Variants in HSPBP1 observed in about 807,000 individuals in gnomAD.
The protein encoded by HSPBP1 is hsp70-binding protein 1.
Under a neutral mutation model 41.7 loss-of-function variants are expected in HSPBP1, and 31 were observed. That is an observed-to-expected ratio of 0.74 (90% CI 0.56 to 1.00). HSPBP1 has a LOEUF of 1.00. Ranked by LOEUF, HSPBP1 falls within the 50% of genes least tolerant of loss-of-function variation. The pLI is 0.00. For missense variants in HSPBP1, 439 were observed against 487.9 expected, an observed-to-expected ratio of 0.90 and a Z score of 0.94; for synonymous variants, 199 against 214.4, an observed-to-expected ratio of 0.93 and a Z score of 0.63.
rs147510053 is a variant in HSPBP1, at chr19:55,265,229, C to A, written c.1005+49G>T. On this transcript the variant is annotated intron_variant, in intron 7 of 7. Transcript: ENST00000433386. ...CTAGTCCTCCTGGAGCCCTTGTCCC[C>A]TCCCCCTTGCACCTGGTCCTCCTTG... is the stretch of plus-strand genomic sequence containing the variant. The A allele has an allele frequency of 3.0e-4, 380 of 1,248,038 alleles. 3 individuals carry two copies. In the East Asian group the frequency reaches 0.011, roughly 37 times the overall value. 77.3% of individuals were successfully genotyped at this position (1,248,038 alleles called of 1,614,324 possible).
chr19:55,265,485 C>A (rs2087751309), intron 6 of HSPBP1, 96 bp from the exon 7 acceptor site: 6 of 953,564 alleles, frequency 6.3e-6, no homozygotes, highest in South Asian at 3.9e-5. Flanking sequence ...CACTCAGGAG[C>A]CTGGCAAGTC....
At chr19:55,271,991 G>C (rs1176106258) in intron 4 of HSPBP1, among the ~76,000 whole-genome samples, 1 of 152,158 alleles carries the variant, frequency 6.6e-6, no homozygotes, top group East Asian at 1.9e-4. Flanking sequence ...GAACCTGGGA[G>C]GTGGAGGTTG....
intron 3 of HSPBP1, among the ~76,000 whole-genome samples, chr19:55,275,329 C>T (rs2088043142): frequency 6.6e-6 from 1 of 152,186 alleles, no homozygotes; most frequent in African/African-American, 2.4e-5. Context: ...CCCCGTGACC[C>T]AGCAATTCCG....
intron 4 of HSPBP1, 25 bp downstream of exon 4, chr19:55,274,359 CGCCAGCACCCCTGT>C: frequency 1.1e-5 from 9 of 853,634 alleles, no homozygotes; most frequent in South Asian, 1.8e-5. Context: ...CCCCCCCCAC[CGCCAGCACCCCTGT>C]CCCCAGCCCC....
Position 55,274,710 on chromosome 19 carries a change from A to G in HSPBP1, c.416-88T>C. ...TGCATGGGTTGATGTTCTGACCCCC[A>G]GTACCTTGGAATGTGACTGTTTTTG... On this transcript the variant is annotated intron_variant, in intron 3 of 7. Transcript: ENST00000433386. 2.7e-6 allele frequency: 3 copies of G among 1,091,890 alleles called. No individual in the cohort carries two copies. In the South Asian group the frequency reaches 4.3e-5, roughly 16 times the overall value. 67.6% of individuals were successfully genotyped at this position (1,091,890 alleles called of 1,614,324 possible). A position where few individuals can be genotyped will look rare whatever the true frequency, so the allele number is the denominator to read the frequency against.
At chr19:55,267,721 G>C (rs546802400) in intron 4 of HSPBP1, among the ~76,000 whole-genome samples, 1 of 152,094 alleles carries the variant, frequency 6.6e-6, no homozygotes, top group Non-Finnish European at 1.5e-5. Context: ...AGCCTCCCAA[G>C]GTGCTGGGAT....
At chr19:55,271,229 T>A (rs1204373178) in intron 4 of HSPBP1, among the ~76,000 whole-genome samples, 2 of 151,870 alleles carry the variant, frequency 1.3e-5, no homozygotes, top group African/African-American at 4.8e-5. Flanking sequence ...TTTTTTTTTT[T>A]AGACAGGGTC....
In HSPBP1 at chr19:55,279,412, G is replaced by C. The variant is rs1177947481; in HGVS notation, c.197C>G (p.Pro66Arg). ...GSEEPDPPPE[P>R]MSEERRQWLQ... ...CCCATCCTTTACCTCCTCACTCATC[G>C]GTTCTGGAGGAGGGTCTGGCTCTTC... is the stretch of plus-strand genomic sequence containing the variant. Residue 66 changes from proline (P) to arginine (R), a missense_variant, in exon 2 of 8, where the codon CCG becomes CGG. Coordinates refer to ENST00000433386, the MANE Select transcript of HSPBP1 (RefSeq NM_012267.5). The C allele has an allele frequency of 2.5e-6, 4 of 1,592,684 alleles. No individual in the cohort carries two copies. The highest frequency in any genetic ancestry group is 1.7e-6 in the Non-Finnish European group (2 of 1,174,852).
intron 4 of HSPBP1, among the ~76,000 whole-genome samples, chr19:55,273,814 C>T (rs1420652518): frequency 6.6e-6 from 1 of 152,082 alleles, no homozygotes; most frequent in African/African-American, 2.4e-5. Context: ...GTGGATCACA[C>T]CTGTAACCTC....
intron 4 of HSPBP1, among the ~76,000 whole-genome samples, chr19:55,274,106 G>C (rs1025191441): frequency 6.6e-6 from 1 of 152,036 alleles, no homozygotes; most frequent in Non-Finnish European, 1.5e-5. Context: ...GAGTGAACCA[G>C]CGCCAGTGTG....
rs1016840337 is a variant in HSPBP1 at position 55,274,314 on chromosome 19, T to C, written c.640+84A>G. ...AACGAGGGAAGGAGATGCCTCTCCC[T>C]CTGCCCCAGCAGATCCCGGGGGCCC... is the stretch of plus-strand genomic sequence containing the variant. On this transcript the variant is annotated intron_variant, in intron 4 of 7. Coordinates refer to ENST00000433386, the MANE Select transcript of HSPBP1 (RefSeq NM_012267.5). 110 of 1,201,658 alleles carry C rather than the reference T, an allele frequency of 9.2e-5. No homozygotes were observed. The African/African-American group carries it at 1.5e-3, about 16-fold the overall frequency. 74.4% of individuals were successfully genotyped at this position (1,201,658 alleles called of 1,614,324 possible).
chr19:55,274,226 G>A (rs555142338), intron 4 of HSPBP1, among the ~76,000 whole-genome samples, 172 bp downstream of exon 4: 9 of 152,310 alleles, frequency 5.9e-5, no homozygotes, highest in South Asian at 4.1e-4. Context: ...GGGTTTGGCC[G>A]AGTGCGCCAC....
Position 55,262,621 on chromosome 19 carries a change from C to T in HSPBP1, c.1067G>A (p.Ser356Asn). ...QTCFSSPADD[S>N]MDR ...AGCCACCTGGTTTCACCGATCCATG[C>T]TGTCGTCCGCTGGGCTGGAGAAACA... The change falls in exon 8 of 8, where the codon AGC (serine) becomes AAC (asparagine). Residue 356 changes from serine (S) to asparagine (N), a missense_variant. Coordinates refer to ENST00000433386, the MANE Select transcript of HSPBP1 (RefSeq NM_012267.5). 6.2e-7 allele frequency: 1 copy of T among 1,613,888 alleles called. No homozygotes were observed. Among genetic ancestry groups the T allele is most frequent in the Non-Finnish European group, 8.5e-7 (1 of 1,179,862 alleles).
intron 7 of HSPBP1, among the ~76,000 whole-genome samples, chr19:55,264,623 T>A (rs1483286440): frequency 1.3e-5 from 2 of 152,170 alleles, no homozygotes; most frequent in Admixed American, 1.3e-4. Context: ...AATAGTTAAA[T>A]CATTAAGACA....
At position 55,274,465 on chromosome 19, in the gene HSPBP1, C is replaced by T. The variant is rs1000876135; in HGVS notation, c.573G>A (p.Lys191=). 6 of 1,589,642 alleles carry T rather than the reference C, an allele frequency of 3.8e-6. No homozygotes were observed. The African/African-American group carries it at 8.1e-5, about 21-fold the overall frequency. Residue 191 remains lysine (K), a synonymous_variant, in exon 4 of 8, where the codon AAG becomes AAA. Coordinates refer to ENST00000433386, the MANE Select transcript of HSPBP1 (RefSeq NM_012267.5). ...CGTCGCGGTCCAGCAGCCGCAGCAG[C>T]TTACGCAGGGCACCCAGGCCCAGCA... is the stretch of plus-strand genomic sequence containing the variant. The part of the protein sequence containing the change: ...EQVLGLGALR[K]LLRLLDRDAC...
intron 4 of HSPBP1, among the ~76,000 whole-genome samples, 175 bp downstream of exon 4, chr19:55,274,223 G>A (rs1443192375): frequency 6.6e-6 from 1 of 152,214 alleles, no homozygotes; most frequent in Non-Finnish European, 1.5e-5. Context: ...AGGGGGTTTG[G>A]CCGAGTGCGC....
chr19:55,278,824 G>T (rs1414808439), intron 2 of HSPBP1, among the ~76,000 whole-genome samples: 1 of 150,818 alleles, frequency 6.6e-6, no homozygotes, highest in Admixed American at 6.6e-5. Context: ...TGAGGCATGA[G>T]AATTGCTTGA....
At position 55,265,989 on chromosome 19, in the gene HSPBP1, G is replaced by A; in HGVS notation, c.797-7C>T. 1 of 1,595,138 alleles carries A rather than the reference G, an allele frequency of 6.3e-7. No individual in the cohort carries two copies. The highest frequency in any genetic ancestry group is 8.5e-7 in the Non-Finnish European group (1 of 1,172,392). On this transcript the variant is annotated splice_region_variant and splice_polypyrimidine_tract_variant and intron_variant, in intron 5 of 7. Transcript: ENST00000433386. ...CCCATGGAGCACAGGGTCCCTGGGG[G>A]GAGGGCTGCAGGGGTCAGAGGGGCA...
At chr19:55,273,595 G>A (rs890870681) in intron 4 of HSPBP1, among the ~76,000 whole-genome samples, 2 of 152,140 alleles carry the variant, frequency 1.3e-5, no homozygotes, top group African/African-American at 4.8e-5. Context: ...CACAGATGTT[G>A]GTTTTTGTCC....
Sources: allele counts gnomAD v4.1 joint callset (sites outside exome capture counted in the v4.1 genomes callset), GRCh38; gene constraint gnomAD v4.1.1; transcripts MANE v1.5; gene names NCBI Gene and HGNC (gene_info 2026-07-23, HGNC 2026-07-21).